The following DUOX2 variants were observed in gnomAD, a reference collection of about 807,000 sequenced individuals.
DUOX2 encodes NADH/NADPH thyroid oxidase p138-tox.
DUOX2 carries 185 observed loss-of-function variants against 183.3 expected under a neutral mutation model. The ratio of observed to expected loss-of-function variants is 1.01; its 90% CI spans 0.90 to 1.14. The LOEUF (loss-of-function observed/expected upper bound fraction) is 1.14, where lower values mean the gene tolerates loss of function less well. Ranked by LOEUF, DUOX2 falls within the 50% of genes most tolerant of loss-of-function variation. The probability of loss-of-function intolerance (pLI) is 0.00; values close to 1 mark genes in which losing one functional copy is unlikely to be tolerated. For missense variants in DUOX2, 1,999 were observed against 2,022.9 expected (o/e 0.99, Z 0.23); for synonymous variants, 788 against 812.4 (o/e 0.97, Z 0.51).
At chr15:45,100,266 G>T (rs1851467229) in intron 23 of DUOX2, 38 bp from the exon 24 acceptor site, 1 of 1,593,288 alleles carries the variant, frequency 6.3e-7, no homozygotes. Context: ...TGTGGTAAGG[G>T]CCCTCTGGCC....
intron 13 of DUOX2, 37 bp from the exon 14 acceptor site, chr15:45,107,500 G>T (rs1566976246): frequency 6.2e-7 from 1 of 1,607,340 alleles, no homozygotes. Flanking sequence ...GGGATGGGAA[G>T]GGGATGCAGG....
chr15:45,108,438 C>A, intron 12 of DUOX2: 1 of 620,082 alleles, frequency 1.6e-6, no homozygotes, highest in South Asian at 1.9e-5. Flanking sequence ...GCCCTAGGAC[C>A]ATATCCTGTG....
chr15:45,094,226 T>C lies in DUOX2; in HGVS notation c.4571A>G (p.Lys1524Arg), dbSNP rs763614376. 1.9e-6 allele frequency: 3 copies of C among 1,614,134 alleles called. No homozygotes were observed. Among genetic ancestry groups the C allele is most frequent in the Non-Finnish European group, 2.5e-6 (3 of 1,180,032 alleles). ...GAGCTGACAGGCCTTCTCTACATTC[T>C]TGGTCATTCCTGGAGGGCCGCAGCT... The part of the protein sequence containing the change: ...VFSCGPPGMT[K>R]NVEKACQLVN... Residue 1524 changes from lysine (K) to arginine (R), a missense_variant, in exon 34 of 34, where the codon AAG becomes AGG. By Grantham distance (26) the Lys-to-Arg change is conservative. Around this residue, in one of 3 missense-constraint regions of DUOX2, gnomAD observed 1,628 missense variants for 1,608.6 expected, o/e 1.01. Coordinates refer to ENST00000389039, the MANE Select transcript of DUOX2 (RefSeq NM_001363711.2).
rs772940857 is a variant in DUOX2, at chr15:45,109,581, C to T, written c.1177G>A (p.Gly393Arg). ...STQEVNELLL[G>R]MASQISELED... ...AACTCCGAAATCTGGGAGGCCATTC[C>T]CAGCAGCAGCTCATTCACCTCCTGG... Residue 393 changes from glycine (G) to arginine (R), a missense_variant, in exon 11 of 34, where the codon GGA becomes AGA. This residue lies in a region of DUOX2 where 1,628 missense variants were observed against 1,608.6 expected (regional missense o/e 1.01). Transcript: ENST00000389039. 6.2e-7 allele frequency: 1 copy of T among 1,614,110 alleles called. No homozygotes were observed. Among genetic ancestry groups the T allele is most frequent in the Non-Finnish European group, 8.5e-7 (1 of 1,180,018 alleles).
chr15:45,113,159 C>T, intron 2 of DUOX2, 83 bp from the exon 3 acceptor site: 1 of 1,515,078 alleles, frequency 6.6e-7, no homozygotes, highest in Admixed American at 1.9e-5. Context: ...CAGTCCTTCC[C>T]CAGCTCGCGG....
rs1453190068 is a variant in DUOX2, at chr15:45,111,018, G to A, written c.882+93C>T. On this transcript the variant is annotated intron_variant, in intron 7 of 33. Transcript: ENST00000389039. ...GTCTGGGGAGGGGTTTCTGGGTGGC[G>A]GTTGTCCACAGATGGGGAGCTCCAT... 8.3e-6 allele frequency: 11 copies of A among 1,332,716 alleles called. No individual in the cohort carries two copies. The South Asian group carries it at 1.3e-4, about 16-fold the overall frequency. 82.6% of individuals were successfully genotyped at this position (1,332,716 alleles called of 1,614,324 possible). A position where few individuals can be genotyped will look rare whatever the true frequency, so the allele number is the denominator to read the frequency against.
Position 45,105,548 on chromosome 15 carries a change from G to A in DUOX2, c.2334+95C>T, listed in dbSNP as rs1595524404. 1.0e-5 allele frequency: 15 copies of A among 1,462,904 alleles called. No homozygotes were observed. In the East Asian group the frequency reaches 1.8e-4, roughly 18 times the overall value. The allele number at this position is 1,462,904 out of a possible 1,614,324, so 90.6% of individuals were successfully genotyped here. On this transcript the variant is annotated intron_variant, in intron 18 of 33. Coordinates refer to ENST00000389039, the MANE Select transcript of DUOX2 (RefSeq NM_001363711.2). ...GCTATTTCTCTCCAGGCCATAGAGCGGAAGCTTAGTTCACCCACAGGGGCG... is the reference window on the plus strand; with the variant it reads ...GCTATTTCTCTCCAGGCCATAGAGCAGAAGCTTAGTTCACCCACAGGGGCG...
At chr15:45,109,794 GC>G in intron 10 of DUOX2, 95 bp downstream of exon 10, 2 of 1,366,052 alleles carry the variant, frequency 1.5e-6, no homozygotes, top group Non-Finnish European at 2.1e-6. Flanking sequence ...TGAACCTGGG[GC>G]AGCAACACTC....
rs769692791 is a variant in DUOX2 at position 45,100,172 on chromosome 15, C to T, written c.3062G>A (p.Arg1021Gln). ...YTEALQEKMQ[R>Q]GFLAQKLQQY... Reference sequence around the variant, plus strand: ...CTGCAGCTTTTGGGCTAGGAAGCCTCGCTGCATCTTCTCTTGCAGCGCCTC... The same window carrying T: ...CTGCAGCTTTTGGGCTAGGAAGCCTTGCTGCATCTTCTCTTGCAGCGCCTC... The change falls in exon 24 of 34, where the codon CGA (arginine) becomes CAA (glutamine). Residue 1021 changes from arginine (R) to glutamine (Q), a missense_variant. Physicochemically the swap from Arg to Gln is conservative, Grantham distance 43. Around this residue, in one of 3 missense-constraint regions of DUOX2, gnomAD observed 1,628 missense variants for 1,608.6 expected, o/e 1.01. Transcript: ENST00000389039. 10 of 1,614,020 alleles carry T rather than the reference C, an allele frequency of 6.2e-6. No homozygotes were observed. Among genetic ancestry groups the T allele is most frequent in the East Asian group, 2.2e-5 (1 of 44,894 alleles).
At chr15:45,102,108 C>CCTTCTCAGTGCCA in intron 20 of DUOX2, 119 bp from the exon 21 acceptor site, 1 of 1,310,608 alleles carries the variant, frequency 7.6e-7, no homozygotes, top group Non-Finnish European at 1.1e-6. Flanking sequence ...GGAAATGGCA[C>CCTTCTCAGTGCCA]TGAGAAGGTG....
intron 23 of DUOX2, chr15:45,100,490 C>G: frequency 1.6e-6 from 1 of 610,342 alleles, no homozygotes; most frequent in East Asian, 2.8e-5. Flanking sequence ...CAGCACAGGC[C>G]TCAAGGCTGT....
chr15:45,105,228 G>C (rs1285009392), intron 18 of DUOX2, among the ~76,000 whole-genome samples: 1 of 152,214 alleles, frequency 6.6e-6, no homozygotes, highest in East Asian at 1.9e-4. Context: ...CATCTGGGGA[G>C]CTTGTTAAAA....
At chr15:45,111,730 T>C in intron 5 of DUOX2, 38 bp downstream of exon 5, 2 of 1,505,142 alleles carry the variant, frequency 1.3e-6, no homozygotes, top group South Asian at 1.3e-5. Flanking sequence ...CCCACCTGGC[T>C]GGGGTGCGGT....
At chr15:45,106,702 T>C (rs1446156703) in intron 15 of DUOX2, 61 bp from the exon 16 acceptor site, 2 of 1,610,328 alleles carry the variant, frequency 1.2e-6, no homozygotes, top group Non-Finnish European at 1.7e-6. Flanking sequence ...CCACTGTGGC[T>C]TAGGCTATGG....
chr15:45,099,585 G>A, intron 25 of DUOX2, 77 bp downstream of exon 25: 1 of 1,574,076 alleles, frequency 6.4e-7, no homozygotes, highest in South Asian at 1.1e-5. Context: ...GGTATAAGGA[G>A]TTCCATCTCC....
At chr15:45,110,375 T>C (rs1164896584) in intron 9 of DUOX2, 53 bp downstream of exon 9, 2 of 1,538,538 alleles carry the variant, frequency 1.3e-6, no homozygotes, top group African/African-American at 2.7e-5. Context: ...CCAAGGCAGC[T>C]CATTCTGCAC....
chr15:45,107,668 A>AC (rs1397923574), intron 13 of DUOX2, among the ~76,000 whole-genome samples: 1 of 151,980 alleles, frequency 6.6e-6, no homozygotes, highest in Non-Finnish European at 1.5e-5. Flanking sequence ...GCATAGTGAA[A>AC]CCCCATCTCT....
intron 13 of DUOX2, 41 bp downstream of exon 13, chr15:45,108,006 G>A: frequency 6.2e-7 from 1 of 1,610,276 alleles, no homozygotes. Context: ...TGGGGCTCAG[G>A]CTGAGGAGCA....
rs138306055 is a variant in DUOX2 at position 45,101,851 on chromosome 15, A to G, written c.2793T>C (p.His931=). The change falls in exon 21 of 34, where the codon CAT becomes CAC. Residue 931 remains histidine, a synonymous_variant. Transcript: ENST00000389039. ...WEDFHFMLRD[H]DSELRFTQLC... ...GCTGCGTGAAGCGGAGCTCGCTGTC[A>G]TGGTCCCGCAGCATGAAGTGAAAAT... 459 of 1,614,194 alleles carry G rather than the reference A, an allele frequency of 2.8e-4. No homozygotes were observed. The highest frequency in any genetic ancestry group is 1.5e-3 in the African/African-American group (114 of 75,050).
Sources: allele counts gnomAD v4.1 joint callset (sites outside exome capture counted in the v4.1 genomes callset), GRCh38; gene constraint gnomAD v4.1.1; regional missense constraint gnomAD v4.1.1; transcripts MANE v1.5; gene names NCBI Gene and HGNC (gene_info 2026-07-23, HGNC 2026-07-21).